LGSN: variants seen among roughly 807,000 people sequenced by gnomAD.
The protein encoded by LGSN is lengsin, lens protein with glutamine synthetase domain.
LGSN carries 21 observed loss-of-function variants against 19.5 expected under a neutral mutation model. That is an observed-to-expected ratio of 1.07 (90% CI 0.76 to 1.55). The LOEUF is 1.55. Among genes scored for constraint, LGSN ranks in the 40% most tolerant of loss-of-function variants. The probability of loss-of-function intolerance (pLI) is 0.00; values close to 1 mark genes in which losing one functional copy is unlikely to be tolerated. For missense variants in LGSN, 673 were observed against 608.5 expected (o/e 1.11, Z -1.12); for synonymous variants, 257 against 215.6 (o/e 1.19, Z -1.68).
At chr6:63,281,330 T>TATATATATATATATATATATATATAA (rs1360072081) in intron 3 of LGSN, 110 bp from the exon 4 acceptor site, 14 of 149,502 alleles carry the variant, frequency 9.4e-5, no homozygotes, top group African/African-American at 3.3e-4. Flanking sequence ...TATATATATA[T>TATATATATATATATATATATATATAA]AATAAATATA....
the LGSN span, chr6:63,571,118 C>T: frequency 2.6e-5 from 4 of 152,120 alleles, no homozygotes; most frequent in Non-Finnish European, 4.4e-5. Context: ...TTCCAAATGA[C>T]GAAGAGTTTT....
chr6:63,360,785 T>C, the LGSN span, among the ~76,000 whole-genome samples: 1 of 152,194 alleles, frequency 6.6e-6, no homozygotes, highest in East Asian at 1.9e-4. Context: ...ATCTTTGTGG[T>C]TTTATCTACC....
chr6:63,552,715 G>A, the LGSN span, among the ~76,000 whole-genome samples: 166 of 152,244 alleles, frequency 1.1e-3, 7 homozygotes, highest in East Asian at 0.028. Context: ...TTTTGTATAA[G>A]GTGTAAGGAA....
At chr6:63,477,670 C>G in the LGSN span, among the ~76,000 whole-genome samples, 1 of 60,138 alleles carries the variant, frequency 1.7e-5, no homozygotes, top group South Asian at 5.7e-4. Context: ...TCTTTTTCTT[C>G]TTCTTCTTCT....
At chr6:63,336,076 G>A in the LGSN span, among the ~76,000 whole-genome samples, 2 of 152,296 alleles carry the variant, frequency 1.3e-5, no homozygotes, top group East Asian at 1.9e-4. Flanking sequence ...GTAAGATTGA[G>A]TGGGGGAGGA....
the LGSN span, among the ~76,000 whole-genome samples, chr6:63,480,823 A>G: frequency 1.0e-4 from 4 of 38,266 alleles, no homozygotes; most frequent in Non-Finnish European, 2.5e-4. Flanking sequence ...TCATTATATG[A>G]AAAAAAAAAA....
Position 63,279,293 on chromosome 6 carries a change from A to G in LGSN, c.*728T>C, listed in dbSNP as rs1421067294. ...TCTATACTTTGTGTATTGAACTTCTATATGAGGCATTGTTAAAAGAAAGGC... is the reference window on the plus strand; with the variant it reads ...TCTATACTTTGTGTATTGAACTTCTGTATGAGGCATTGTTAAAAGAAAGGC... On this transcript the variant is annotated 3_prime_UTR_variant, in exon 4 of 4. Transcript: ENST00000370657. 2 of 152,252 alleles carry G rather than the reference A, an allele frequency of 1.3e-5. No individual in the cohort carries two copies. The highest frequency in any genetic ancestry group is 2.9e-5 in the Non-Finnish European group (2 of 68,050). 9.4% of individuals were successfully genotyped at this position (152,252 alleles called of 1,614,324 possible). A position where few individuals can be genotyped will look rare whatever the true frequency, so the allele number is the denominator to read the frequency against.
the LGSN span, among the ~76,000 whole-genome samples, chr6:63,544,016 T>C: frequency 1.3e-5 from 2 of 152,342 alleles, no homozygotes; most frequent in East Asian, 3.9e-4. Context: ...ATTCATTTCC[T>C]TCACCACATT....
the LGSN span, chr6:63,441,293 G>T: frequency 4.5e-6 from 2 of 448,886 alleles, no homozygotes; most frequent in South Asian, 2.1e-5. Flanking sequence ...AGAACAAGCC[G>T]CAGCACCCAC....
chr6:63,416,204 G>A, the LGSN span, among the ~76,000 whole-genome samples: 1 of 150,450 alleles, frequency 6.6e-6, no homozygotes, highest in Non-Finnish European at 1.5e-5. Flanking sequence ...GAGGCAGCAC[G>A]ATTCATTGCT....
the LGSN span, among the ~76,000 whole-genome samples, chr6:63,428,349 A>ATTAT: frequency 2.6e-5 from 4 of 151,986 alleles, no homozygotes; most frequent in East Asian, 7.7e-4. Flanking sequence ...ATAATTATTT[A>ATTAT]TTATTTATTT....
the LGSN span, among the ~76,000 whole-genome samples, chr6:63,333,925 G>A: frequency 1.3e-5 from 2 of 152,066 alleles, no homozygotes; most frequent in Non-Finnish European, 1.5e-5. Context: ...AATTCAACAT[G>A]GCTTCATTAT....
At chr6:63,564,675 A>G in the LGSN span, among the ~76,000 whole-genome samples, 1 of 152,218 alleles carries the variant, frequency 6.6e-6, no homozygotes, top group African/African-American at 2.4e-5. Flanking sequence ...CTCTAGCCAG[A>G]TTAAATTCTC....
chr6:63,520,245 TC>T, the LGSN span, among the ~76,000 whole-genome samples: 2 of 152,240 alleles, frequency 1.3e-5, no homozygotes, highest in Non-Finnish European at 2.9e-5. Context: ...GTGATTCTTA[TC>T]TTTAAATGTT....
At chr6:63,452,764 T>TA in the LGSN span, among the ~76,000 whole-genome samples, 1 of 151,418 alleles carries the variant, frequency 6.6e-6, no homozygotes. Context: ...ATTTTTTTTC[T>TA]TCTTTTTTCT....
At chr6:63,329,183 C>T in the LGSN span, among the ~76,000 whole-genome samples, 2 of 152,168 alleles carry the variant, frequency 1.3e-5, no homozygotes, top group African/African-American at 4.8e-5. Flanking sequence ...TGAGAAGTAG[C>T]TTAGATCTTG....
the LGSN span, among the ~76,000 whole-genome samples, chr6:63,528,572 A>G: frequency 1.3e-5 from 2 of 151,964 alleles, no homozygotes; most frequent in East Asian, 3.9e-4. Flanking sequence ...AAAAAATATA[A>G]CAAAACAAAT....
upstream of LGSN, among the ~76,000 whole-genome samples, chr6:63,324,300 A>G (rs1769177408): frequency 6.6e-6 from 1 of 151,770 alleles, no homozygotes; most frequent in South Asian, 2.1e-4. Flanking sequence ...CTTGAGTTCT[A>G]TAGGAAACAC....
the LGSN span, among the ~76,000 whole-genome samples, chr6:63,399,327 A>G: frequency 3.9e-5 from 6 of 152,148 alleles, no homozygotes; most frequent in Admixed American, 1.3e-4. Context: ...TTTTCATACA[A>G]TGAAATCACT....
Sources: gnomAD v4.1 joint callset for allele counts (sites outside exome capture counted in the v4.1 genomes callset) on GRCh38, gnomAD v4.1.1 for gene constraint, MANE v1.5 for transcripts, NCBI Gene and HGNC (gene_info 2026-07-23, HGNC 2026-07-21) for gene names.